NDUFAF6: variants seen among roughly 807,000 people sequenced by gnomAD.
NDUFAF6 encodes the protein NADH:ubiquinone oxidoreductase complex assembly factor 6.
In NDUFAF6, 45 loss-of-function variants were observed where a neutral mutation model predicts 40.8. The ratio of observed to expected loss-of-function variants is 1.10; its 90% CI spans 0.87 to 1.42. The LOEUF is 1.42. NDUFAF6 is among the 40% of genes most tolerant of loss of function. The pLI is 0.00. For synonymous variants in NDUFAF6, 185 were observed against 155.9 expected (o/e 1.19, Z -1.39); for missense variants, 435 against 418.5 (o/e 1.04, Z -0.34).
intron 3 of NDUFAF6, chr8:95,036,626 A>G (rs553783868): frequency 1.4e-6 from 1 of 694,802 alleles, no homozygotes; most frequent in Admixed American, 3.8e-5. Flanking sequence ...ATCGGAGTAT[A>G]GTGGAGGTGG....
chr8:95,003,477 CAG>C (rs1026663771), intron 2 of NDUFAF6, among the ~76,000 whole-genome samples: 13 of 152,278 alleles, frequency 8.5e-5, no homozygotes, highest in African/African-American at 2.9e-4. Context: ...CAGAAGGAGA[CAG>C]AGGAGAATTT....
At chr8:94,909,805 TATATATATAC>T (rs1414324254) in intron 1 of NDUFAF6, among the ~76,000 whole-genome samples, 7 of 141,960 alleles carry the variant, frequency 4.9e-5, no homozygotes, top group Non-Finnish European at 9.0e-5. Context: ...TATACACATA[TATATATATAC>T]ACACACACAC....
chr8:94,935,067 T>C (rs982556230), intron 1 of NDUFAF6, among the ~76,000 whole-genome samples: 8 of 152,070 alleles, frequency 5.3e-5, no homozygotes, highest in African/African-American at 1.7e-4. Context: ...CTAGGGTTTG[T>C]TTATATCTGG....
chr8:95,004,725 A>G (rs1417569116), intron 2 of NDUFAF6, among the ~76,000 whole-genome samples: 1 of 152,148 alleles, frequency 6.6e-6, no homozygotes, highest in African/African-American at 2.4e-5. Context: ...AACAGAGACA[A>G]ACAAAGGTAG....
chr8:94,980,442 GTTTTTT>G (rs869184585), intron 1 of NDUFAF6, among the ~76,000 whole-genome samples: 2 of 107,902 alleles, frequency 1.9e-5, no homozygotes, highest in African/African-American at 3.6e-5. Context: ...TGGTTTTTTT[GTTTTTT>G]TTTTTTTTTT....
chr8:94,948,122 T>C (rs950116903), intron 2 of NDUFAF6, among the ~76,000 whole-genome samples: 2 of 152,196 alleles, frequency 1.3e-5, no homozygotes, highest in African/African-American at 4.8e-5. Context: ...GTAAAGAGGC[T>C]CTTCCTTAAT....
At chr8:94,943,045 G>A (rs560382960) in intron 1 of NDUFAF6, among the ~76,000 whole-genome samples, 8 of 152,324 alleles carry the variant, frequency 5.3e-5, no homozygotes, top group East Asian at 3.9e-4. Context: ...TAGGCATTTC[G>A]AATATGGTAA....
intron 2 of NDUFAF6, among the ~76,000 whole-genome samples, chr8:95,002,090 C>G (rs1463202102): frequency 6.6e-6 from 1 of 152,294 alleles, no homozygotes; most frequent in East Asian, 1.9e-4. Context: ...AAATTATGTT[C>G]AGTGGAATGC....
chr8:94,986,092 C>G (rs1825883444), intron 2 of NDUFAF6, among the ~76,000 whole-genome samples: 1 of 152,060 alleles, frequency 6.6e-6, no homozygotes, highest in Non-Finnish European at 1.5e-5. Context: ...CCAGGATGGT[C>G]TCGATCTCCT....
chr8:94,973,474 T>C (rs186584308), intron 1 of NDUFAF6, among the ~76,000 whole-genome samples: 12,681 of 152,070 alleles, frequency 0.083, 693 homozygotes, highest in Middle Eastern at 0.19. Flanking sequence ...TTTGGGAGGC[T>C]AAGGCGGGCA....
chr8:95,012,323 T>C (rs1827258040), intron 2 of NDUFAF6, among the ~76,000 whole-genome samples: 1 of 152,194 alleles, frequency 6.6e-6, no homozygotes, highest in South Asian at 2.1e-4. Context: ...TTTATGCTCA[T>C]TTAATTTACC....
Position 94,902,418 on chromosome 8 carries a change from CA to C in NDUFAF6, c.-936+6506del, listed in dbSNP as rs369670770. 7.5e-3 allele frequency among the ~76,000 whole-genome samples: 987 copies of C among 132,466 alleles called. 3 individuals carry two copies. The highest frequency in any genetic ancestry group is 0.023 in the African/African-American group (814 of 35,004). 86.9% of individuals were successfully genotyped at this position (132,466 alleles called of 152,430 possible). A position where few individuals can be genotyped will look rare whatever the true frequency, so the allele number is the denominator to read the frequency against. On this transcript the variant is annotated intron_variant, in intron 1 of 14. Transcript: ENST00000396113. ...TGGGTGACAGAGTGAGGCCCTGTCT[CA>C]AAAAAAAAAAAAAAGATATAAATCT...
intron 2 of NDUFAF6, among the ~76,000 whole-genome samples, chr8:95,006,841 C>A (rs1166990768): frequency 6.6e-6 from 1 of 152,082 alleles, no homozygotes; most frequent in African/African-American, 2.4e-5. Context: ...CGAGATCATG[C>A]CACTGCACTC....
chr8:94,971,409 C>G (rs1321297342), intron 1 of NDUFAF6, among the ~76,000 whole-genome samples: 1 of 152,200 alleles, frequency 6.6e-6, no homozygotes, highest in East Asian at 1.9e-4. Flanking sequence ...AACAGTGCCT[C>G]TGCCCAGCCT....
chr8:94,972,648 T>C (rs895775745), intron 1 of NDUFAF6, among the ~76,000 whole-genome samples: 3 of 151,032 alleles, frequency 2.0e-5, no homozygotes, highest in South Asian at 2.1e-4. Flanking sequence ...CTCAGCACTT[T>C]GGGAGGACAA....
upstream of NDUFAF6, among the ~76,000 whole-genome samples, chr8:94,956,405 C>T (rs1289311702): frequency 6.6e-6 from 1 of 152,138 alleles, no homozygotes; most frequent in Non-Finnish European, 1.5e-5. Flanking sequence ...GCAGAAGGAA[C>T]AGTGAGTGTG....
intron 2 of NDUFAF6, among the ~76,000 whole-genome samples, chr8:95,084,697 G>A (rs950863509): frequency 2.4e-4 from 36 of 152,242 alleles, no homozygotes; most frequent in African/African-American, 8.4e-4. Flanking sequence ...GACTTTAGAT[G>A]GCAAATGCTA....
chr8:95,106,587 C>A (rs528524115), downstream of NDUFAF6, among the ~76,000 whole-genome samples: 2 of 152,088 alleles, frequency 1.3e-5, no homozygotes, highest in Non-Finnish European at 2.9e-5. Context: ...GACTTCATAA[C>A]GAAAACACCA....
intron 2 of NDUFAF6, among the ~76,000 whole-genome samples, chr8:94,946,477 G>A (rs1822000054): frequency 5.3e-5 from 8 of 151,664 alleles, no homozygotes; most frequent in Admixed American, 3.9e-4. Flanking sequence ...AAGGCAGGAG[G>A]ATCACTTTAA....
Sources: allele counts gnomAD v4.1 joint callset (sites outside exome capture counted in the v4.1 genomes callset), GRCh38; gene constraint gnomAD v4.1.1; transcripts MANE v1.5; gene names NCBI Gene and HGNC (gene_info 2026-07-23, HGNC 2026-07-21).